LIMCH1: variants seen among roughly 807,000 people sequenced by gnomAD.
LIMCH1 encodes the protein LIM and calponin homology domains 1.
Under a neutral mutation model 176.5 loss-of-function variants are expected in LIMCH1, and 113 were observed. The ratio of observed to expected loss-of-function variants is 0.64; its 90% confidence interval spans 0.55 to 0.75. The LOEUF is 0.75. Among genes scored for constraint, LIMCH1 ranks in the 30% least tolerant of loss-of-function variants. The pLI is 0.00. For missense variants in LIMCH1, 1,674 were observed against 1,814.9 expected, an observed-to-expected ratio of 0.92 and a Z score of 1.41; for synonymous variants, 619 against 645.9, an observed-to-expected ratio of 0.96 and a Z score of 0.63.
chr4:41,364,138 G>C (rs1312422402), intron 1 of LIMCH1, among the ~76,000 whole-genome samples: 2 of 152,090 alleles, frequency 1.3e-5, no homozygotes, highest in African/African-American at 2.4e-5. Flanking sequence ...AAATGACTAA[G>C]AGTTATTATT....
At chr4:41,476,490 G>T (rs986968957) in intron 1 of LIMCH1, among the ~76,000 whole-genome samples, 1 of 152,166 alleles carries the variant, frequency 6.6e-6, no homozygotes, top group African/African-American at 2.4e-5. Flanking sequence ...TGCCTCTGGC[G>T]GGGCAACACC....
At chr4:41,375,030 G>A (rs1045644998) in intron 1 of LIMCH1, among the ~76,000 whole-genome samples, 1 of 152,220 alleles carries the variant, frequency 6.6e-6, no homozygotes, top group South Asian at 2.1e-4. Flanking sequence ...CAGAGAAGCA[G>A]TGAATTCCCT....
intron 2 of LIMCH1, among the ~76,000 whole-genome samples, chr4:41,600,380 G>T (rs1412781155): frequency 6.6e-6 from 1 of 152,078 alleles, no homozygotes; most frequent in African/African-American, 2.4e-5. Context: ...CACCCGGGTG[G>T]CAAGTGACCA....
In LIMCH1 at chr4:41,538,295, C is replaced by G. The variant is rs926050626; in HGVS notation, c.-296C>G. ...GGAGCACACAGGAGAGATGCCCCTCCCATCTCCCAGAGTGGGTTGGCTGGA... is the reference window on the plus strand; with the variant it reads ...GGAGCACACAGGAGAGATGCCCCTCGCATCTCCCAGAGTGGGTTGGCTGGA... On this transcript the variant is annotated 5_prime_UTR_variant, in exon 1 of 32. Coordinates refer to ENST00000503057, the MANE Select transcript of LIMCH1 (RefSeq NM_001330672.2). The G allele has an allele frequency of 2.4e-5, 24 of 985,406 alleles. No homozygotes were observed. The East Asian group carries it at 2.5e-3, about 103-fold the overall frequency. 61.0% of individuals were successfully genotyped at this position (985,406 alleles called of 1,614,324 possible). A position where few individuals can be genotyped will look rare whatever the true frequency, so the allele number is the denominator to read the frequency against.
intron 2 of LIMCH1, among the ~76,000 whole-genome samples, chr4:41,600,357 C>A (rs1411038808): frequency 1.3e-5 from 2 of 152,028 alleles, no homozygotes; most frequent in African/African-American, 4.8e-5. Flanking sequence ...GCCTCATCTC[C>A]CATTCATAGT....
rs2093182773 is a variant in LIMCH1, at chr4:41,629,465, G to A, written c.1029-27G>A. ...TTCCTTGAACTTGATTTTTCCATTG[G>A]TGTGGGGGCCCGGATCAAATGGACA... On this transcript the variant is annotated intron_variant, in intron 8 of 31. Transcript: ENST00000503057. 2.0e-6 allele frequency: 3 copies of A among 1,534,228 alleles called. No individual in the cohort carries two copies. In the African/African-American group the frequency reaches 4.1e-5, roughly 21 times the overall value.
chr4:41,665,007 C>T (rs895136705), intron 20 of LIMCH1, among the ~76,000 whole-genome samples: 2 of 152,060 alleles, frequency 1.3e-5, no homozygotes, highest in Admixed American at 6.6e-5. Flanking sequence ...GATAAGAACC[C>T]CTGCCAGCTG....
intron 2 of LIMCH1, among the ~76,000 whole-genome samples, chr4:41,515,886 A>G (rs889909608): frequency 6.6e-6 from 1 of 152,196 alleles, no homozygotes; most frequent in African/African-American, 2.4e-5. Context: ...GCTGCATCAC[A>G]GCAATTTCAC....
intron 1 of LIMCH1, among the ~76,000 whole-genome samples, chr4:41,552,121 TGA>T (rs1291708494): frequency 2.0e-5 from 3 of 152,136 alleles, no homozygotes; most frequent in African/African-American, 7.2e-5. Context: ...GATCTTGTTA[TGA>T]GACTTATTCA....
intron 2 of LIMCH1, among the ~76,000 whole-genome samples, chr4:41,499,542 G>A (rs112416055): frequency 4.1e-4 from 62 of 152,266 alleles, no homozygotes; most frequent in African/African-American, 1.3e-3. Context: ...GGATCTGGCC[G>A]GGAGCGATGG....
intron 1 of LIMCH1, among the ~76,000 whole-genome samples, chr4:41,432,556 A>G (rs1245432710): frequency 6.6e-6 from 1 of 152,200 alleles, no homozygotes; most frequent in Non-Finnish European, 1.5e-5. Flanking sequence ...CAACTTTCTC[A>G]ATAAATTGTC....
At chr4:41,479,262 TG>T (rs1214682798) in intron 1 of LIMCH1, among the ~76,000 whole-genome samples, 1 of 150,276 alleles carries the variant, frequency 6.7e-6, no homozygotes, top group Non-Finnish European at 1.5e-5. Flanking sequence ...TCACTCTTTT[TG>T]TTTGTTCAAA....
At chr4:41,452,179 A>G (rs2063968289) in intron 1 of LIMCH1, among the ~76,000 whole-genome samples, 1 of 152,224 alleles carries the variant, frequency 6.6e-6, no homozygotes, top group African/African-American at 2.4e-5. Flanking sequence ...ATGCCCAGCC[A>G]CATCTTCTCT....
chr4:41,594,874 C>A (rs1314393296), intron 1 of LIMCH1, among the ~76,000 whole-genome samples: 2 of 152,148 alleles, frequency 1.3e-5, no homozygotes, highest in African/African-American at 2.4e-5. Flanking sequence ...TCTTAGGGGA[C>A]TACATGCTGG....
upstream of LIMCH1, among the ~76,000 whole-genome samples, chr4:41,533,939 G>A (rs1028626655): frequency 1.3e-5 from 2 of 152,134 alleles, no homozygotes; most frequent in African/African-American, 2.4e-5. Context: ...GCAGCTGGAC[G>A]CAGAGTCCCT....
In LIMCH1 at chr4:41,566,941, G is replaced by A. The variant is rs576731811; in HGVS notation, c.-241+28591G>A. Among the ~76,000 whole-genome samples, 9 of 152,294 alleles carry A rather than the reference G, an allele frequency of 5.9e-5. No homozygotes were observed. In the South Asian group the frequency reaches 1.9e-3, roughly 32 times the overall value. On this transcript the variant is annotated intron_variant, in intron 1 of 31. Transcript: ENST00000503057. ...GCTTCATCATGAGGACTGAATCATT[G>A]TCAATCCTATAATTCTTTGATCCCA...
intron 1 of LIMCH1, among the ~76,000 whole-genome samples, chr4:41,416,213 G>A (rs1295796013): frequency 6.6e-6 from 1 of 152,144 alleles, no homozygotes; most frequent in Non-Finnish European, 1.5e-5. Context: ...AATAGCTAAT[G>A]TGAGCTCAAA....
At chr4:41,477,474 G>A (rs374850085) in intron 1 of LIMCH1, among the ~76,000 whole-genome samples, 1 of 152,158 alleles carries the variant, frequency 6.6e-6, no homozygotes. Context: ...AGGAGTAAAC[G>A]AGTTGATGAA....
rs539878070 is a variant in LIMCH1 at position 41,589,377 on chromosome 4, G to T, written c.-240-9543G>T. Among the ~76,000 whole-genome samples, 12 of 152,260 alleles carry T rather than the reference G, an allele frequency of 7.9e-5. No individual in the cohort carries two copies. The South Asian group carries it at 2.5e-3, about 32-fold the overall frequency. ...GTGCCTGGCTGAAGCCGCATCGGGG[G>T]TGGTGGGTGGGGGAGAGCCTTGGAG... On this transcript the variant is annotated intron_variant, in intron 1 of 31. Transcript: ENST00000503057.
Sources: gnomAD v4.1 joint callset for allele counts (sites outside exome capture counted in the v4.1 genomes callset) on GRCh38, gnomAD v4.1.1 for gene constraint, MANE v1.5 for transcripts, NCBI Gene and HGNC (gene_info 2026-07-23, HGNC 2026-07-21) for gene names.